The following MAN1C1 variants were observed in gnomAD, a reference collection of about 807,000 sequenced individuals.
The protein encoded by MAN1C1 is mannosidase alpha class 1C member 1.
Under a neutral mutation model 71.5 loss-of-function variants are expected in MAN1C1, and 49 were observed. The observed-to-expected ratio is 0.69, with a 90% CI of 0.54 to 0.87. The LOEUF (loss-of-function observed/expected upper bound fraction) is 0.87. Ranked by LOEUF, MAN1C1 falls within the 40% of genes least tolerant of loss-of-function variation. The pLI, the probability that MAN1C1 is intolerant of heterozygous loss-of-function variation, is 0.00. For synonymous variants in MAN1C1, 352 were observed against 343.7 expected, an observed-to-expected ratio of 1.02 and a Z score of -0.27; for missense variants, 743 against 835.0, an observed-to-expected ratio of 0.89 and a Z score of 1.36.
At chr1:25,772,998 G>C (rs2047574728) in intron 8 of MAN1C1, among the ~76,000 whole-genome samples, 1 of 152,176 alleles carries the variant, frequency 6.6e-6, no homozygotes, top group Admixed American at 6.5e-5. Context: ...ACCATTCCCA[G>C]CCTGTCACAT....
intron 1 of MAN1C1, among the ~76,000 whole-genome samples, chr1:25,666,514 G>A (rs1374382576): frequency 6.6e-6 from 1 of 152,144 alleles, no homozygotes; most frequent in Non-Finnish European, 1.5e-5. Flanking sequence ...TGCTTAGAAA[G>A]ACAAAAAGAG....
At chr1:25,705,755 C>T (rs1171330479) in intron 2 of MAN1C1, among the ~76,000 whole-genome samples, 1 of 152,270 alleles carries the variant, frequency 6.6e-6, no homozygotes. Flanking sequence ...GGAAAGTCTA[C>T]GACTTAGGGA....
chr1:25,644,129 T>C (rs1278801473), intron 1 of MAN1C1, among the ~76,000 whole-genome samples: 3 of 151,954 alleles, frequency 2.0e-5, no homozygotes, highest in Admixed American at 1.3e-4. Flanking sequence ...TAGATAAAGG[T>C]GTGAGCAAAG....
Position 25,778,046 on chromosome 1 carries a change from C to T in MAN1C1, c.1258-59C>T. On this transcript the variant is annotated intron_variant, in intron 8 of 11. Coordinates refer to ENST00000374332, the MANE Select transcript of MAN1C1 (RefSeq NM_020379.4). This position sits in a 1 kb window ranked among gnomAD's most constrained non-coding sequence, Gnocchi z 5.5. ...AAATGTTCATTTTCCATCCTTTCCC[C>T]CCCTTCTCTGTGCCCTCCCACGCCC... The T allele has an allele frequency of 7.7e-7, 1 of 1,291,792 alleles. No homozygotes were observed. Among genetic ancestry groups the T allele is most frequent in the Non-Finnish European group, 1.1e-6 (1 of 935,682 alleles). The allele number at this position is 1,291,792 out of a possible 1,614,324, so 80.0% of individuals were successfully genotyped here. A position where few individuals can be genotyped will look rare whatever the true frequency, so the allele number is the denominator to read the frequency against.
intron 2 of MAN1C1, among the ~76,000 whole-genome samples, chr1:25,687,647 G>C (rs2046251050): frequency 6.6e-6 from 1 of 152,174 alleles, no homozygotes; most frequent in Admixed American, 6.5e-5. Flanking sequence ...CCATGTTATG[G>C]AAAGAGTGAC....
chr1:25,767,151 T>TCAC (rs2047438901), intron 7 of MAN1C1, among the ~76,000 whole-genome samples: 1 of 146,496 alleles, frequency 6.8e-6, no homozygotes. Context: ...ACCACACTCG[T>TCAC]ACACACACAC....
chr1:25,632,233 G>A (rs2045391736), intron 1 of MAN1C1, among the ~76,000 whole-genome samples: 1 of 152,154 alleles, frequency 6.6e-6, no homozygotes, highest in Admixed American at 6.6e-5. Context: ...TTTAATCTAG[G>A]AGGGTTGTAT....
At chr1:25,713,857 G>A (rs922186014) in intron 2 of MAN1C1, among the ~76,000 whole-genome samples, 3 of 152,122 alleles carry the variant, frequency 2.0e-5, no homozygotes, top group Non-Finnish European at 2.9e-5. Flanking sequence ...CTTTGCTGCC[G>A]GGAACCAAGG....
chr1:25,650,071 C>G (rs1442314863), intron 1 of MAN1C1, among the ~76,000 whole-genome samples: 3 of 152,070 alleles, frequency 2.0e-5, no homozygotes, highest in Non-Finnish European at 4.4e-5. Flanking sequence ...GTGCACAGAC[C>G]CAGTTTCTGA....
Position 25,783,897 on chromosome 1 carries a change from C to A in MAN1C1, c.*108C>A. The stretch of plus-strand genomic sequence containing the variant: ...GAACGAAGGCCCCATCTCGGGCAGA[C>A]CCCCAGCAGATGTGTCGGACAAGCA... On this transcript the variant is annotated 3_prime_UTR_variant, in exon 12 of 12. Transcript: ENST00000374332. The A allele has an allele frequency of 7.1e-7, 1 of 1,398,960 alleles. No homozygotes were observed. The highest frequency in any genetic ancestry group is 2.5e-5 in the East Asian group (1 of 39,930). The allele number at this position is 1,398,960 out of a possible 1,614,324, so 86.7% of individuals were successfully genotyped here.
At chr1:25,743,432 G>C (rs1425722947) in intron 2 of MAN1C1, among the ~76,000 whole-genome samples, 2 of 152,174 alleles carry the variant, frequency 1.3e-5, no homozygotes, top group Non-Finnish European at 2.9e-5. Flanking sequence ...GTGGCTGCAG[G>C]TGCAAATAGG....
intron 1 of MAN1C1, among the ~76,000 whole-genome samples, chr1:25,663,920 A>G (rs548754862): frequency 6.6e-6 from 1 of 152,334 alleles, no homozygotes; most frequent in South Asian, 2.1e-4. Flanking sequence ...AATGGGACAG[A>G]ATATTTGAAA....
intron 8 of MAN1C1, chr1:25,777,457 A>G (rs990427024): frequency 1.3e-5 from 2 of 152,284 alleles, no homozygotes; most frequent in Non-Finnish European, 2.9e-5. Context: ...TGGAAGAAGC[A>G]GAGCTCTGGA....
chr1:25,749,383 T>G (rs765195797), intron 4 of MAN1C1, 48 bp downstream of exon 4: 1 of 1,464,398 alleles, frequency 6.8e-7, no homozygotes, highest in South Asian at 1.2e-5. Context: ...TGGAAAGGGC[T>G]TTGGAGAATA....
chr1:25,621,585 A>T (rs978735019), intron 1 of MAN1C1, among the ~76,000 whole-genome samples: 2 of 151,852 alleles, frequency 1.3e-5, no homozygotes, highest in South Asian at 2.1e-4. Context: ...CCTACCCATG[A>T]TGCTTGGTTG....
At chr1:25,691,968 C>A (rs1427076382) in intron 2 of MAN1C1, among the ~76,000 whole-genome samples, 1 of 152,206 alleles carries the variant, frequency 6.6e-6, no homozygotes, top group Non-Finnish European at 1.5e-5. Flanking sequence ...CCTCCCTTGG[C>A]AGCAGGGGAA....
chr1:25,774,242 G>A (rs1028583904), intron 8 of MAN1C1, among the ~76,000 whole-genome samples: 3 of 152,188 alleles, frequency 2.0e-5, no homozygotes, highest in Admixed American at 1.3e-4. Context: ...CAGACAGATC[G>A]GACTGGGCAC....
intron 1 of MAN1C1, among the ~76,000 whole-genome samples, chr1:25,667,345 G>T (rs1481101718): frequency 6.6e-6 from 1 of 151,876 alleles, no homozygotes; most frequent in Non-Finnish European, 1.5e-5. Context: ...TTAGCCAGGC[G>T]TGGTGGCAGG....
intron 1 of MAN1C1, among the ~76,000 whole-genome samples, chr1:25,628,527 C>T (rs961899577): frequency 5.3e-5 from 8 of 152,120 alleles, no homozygotes; most frequent in Admixed American, 3.3e-4. Flanking sequence ...AGGCTGCTCT[C>T]GAACTCCTGA....
Sources: gnomAD v4.1 joint callset for allele counts (sites outside exome capture counted in the v4.1 genomes callset) on GRCh38, gnomAD v4.1.1 for gene constraint, Gnocchi (gnomAD v3.1) non-coding constraint, MANE v1.5 for transcripts, NCBI Gene and HGNC (gene_info 2026-07-23, HGNC 2026-07-21) for gene names.